The following NAALADL2 variants were observed in gnomAD, a reference collection of about 807,000 sequenced individuals.
NAALADL2 encodes inactive N-acetylated-alpha-linked acidic dipeptidase-like protein 2.
In NAALADL2, 76 loss-of-function variants were observed where a neutral mutation model predicts 87.2. The ratio of observed to expected loss-of-function variants is 0.87; its 90% CI spans 0.72 to 1.05. The LOEUF (loss-of-function observed/expected upper bound fraction) is 1.05, where lower values mean the gene tolerates loss of function less well. Ranked by LOEUF, NAALADL2 falls within the 50% of genes least tolerant of loss-of-function variation. The probability of loss-of-function intolerance (pLI) is 0.00; values close to 1 mark genes in which losing one functional copy is unlikely to be tolerated. For missense variants in NAALADL2, 1,089 were observed against 945.8 expected, an observed-to-expected ratio of 1.15 and a Z score of -1.99; for synonymous variants, 354 against 331.0, an observed-to-expected ratio of 1.07 and a Z score of -0.75.
At chr3:175,592,916 A>C (rs541574162) in intron 10 of NAALADL2, among the ~76,000 whole-genome samples, 2 of 152,212 alleles carry the variant, frequency 1.3e-5, no homozygotes, top group East Asian at 3.9e-4. Context: ...AAAGAAAAAA[A>C]AGCTGTTTTG....
At chr3:175,790,860 A>C (rs1264058324) in intron 13 of NAALADL2, among the ~76,000 whole-genome samples, 3 of 152,248 alleles carry the variant, frequency 2.0e-5, no homozygotes, top group African/African-American at 7.2e-5. Flanking sequence ...TGCTAATTAA[A>C]TCATGTAATT....
intron 5 of NAALADL2, among the ~76,000 whole-genome samples, chr3:175,366,128 G>A (rs1323711456): frequency 2.9e-5 from 4 of 136,700 alleles, no homozygotes; most frequent in South Asian, 2.5e-4. Flanking sequence ...TTGTCCTTGC[G>A]ATAGTTTACT....
chr3:174,906,454 T>C (rs1287319961), intron 1 of NAALADL2, among the ~76,000 whole-genome samples: 1 of 152,128 alleles, frequency 6.6e-6, no homozygotes, highest in Non-Finnish European at 1.5e-5. Flanking sequence ...ACTTTCATCA[T>C]GGGTGATCTC....
At chr3:175,125,339 G>A (rs1225363211) in intron 2 of NAALADL2, among the ~76,000 whole-genome samples, 1 of 151,880 alleles carries the variant, frequency 6.6e-6, no homozygotes, top group Non-Finnish European at 1.5e-5. Context: ...AGAATGTTAA[G>A]CAAAGGAGTG....
At chr3:174,645,175 A>G (rs1723651589) in intron 2 of NAALADL2, among the ~76,000 whole-genome samples, 1 of 152,216 alleles carries the variant, frequency 6.6e-6, no homozygotes, top group Admixed American at 6.5e-5. Context: ...GAAAGGTACC[A>G]GGGAAATCTG....
chr3:174,578,752 A>G (rs1355844813), intron 2 of NAALADL2, among the ~76,000 whole-genome samples: 1 of 151,914 alleles, frequency 6.6e-6, no homozygotes, highest in African/African-American at 2.4e-5. Flanking sequence ...AGTCATATAA[A>G]AACATAGGAG....
intron 1 of NAALADL2, among the ~76,000 whole-genome samples, chr3:175,032,946 A>T (rs1281566135): frequency 2.0e-5 from 3 of 151,922 alleles, no homozygotes; most frequent in African/African-American, 7.3e-5. Context: ...TGTCATGTTC[A>T]TTTGTTAATG....
intron 9 of NAALADL2, among the ~76,000 whole-genome samples, chr3:175,573,682 C>T (rs1718425438): frequency 6.6e-6 from 1 of 152,172 alleles, no homozygotes; most frequent in South Asian, 2.1e-4. Context: ...TTCTTTGGGA[C>T]TATTCAAGAC....
chr3:174,850,236 C>T (rs1014465748), intron 3 of NAALADL2, among the ~76,000 whole-genome samples: 4 of 152,012 alleles, frequency 2.6e-5, no homozygotes, highest in Admixed American at 2.0e-4. Flanking sequence ...TCTAGCCTAT[C>T]CTGTAAGATT....
chr3:174,590,078 T>C (rs1026726354), intron 2 of NAALADL2, among the ~76,000 whole-genome samples: 4 of 152,114 alleles, frequency 2.6e-5, no homozygotes, highest in African/African-American at 7.2e-5. Flanking sequence ...TGAGGCTTAT[T>C]TTCTAAAGTT....
At position 174,873,278 on chromosome 3, in the gene NAALADL2, G is replaced by A. The variant is rs750718665; in HGVS notation, c.43+13828G>A. ...ATTTATTTATTTATTTATTTTAGAC[G>A]GAGTCTCGCTCTGTCGCCCAGGCTG... On this transcript the variant is annotated intron_variant, in intron 1 of 13. Coordinates refer to ENST00000454872, the MANE Select transcript of NAALADL2 (RefSeq NM_207015.3). 5.5e-4 allele frequency among the ~76,000 whole-genome samples: 80 copies of A among 144,386 alleles called. No individual in the cohort carries two copies. The Middle Eastern group carries it at 0.018, about 32-fold the overall frequency. The allele number at this position is 144,386 out of a possible 152,430, so 94.7% of individuals were successfully genotyped here.
chr3:174,560,771 A>C (rs1660122718), intron 2 of NAALADL2, among the ~76,000 whole-genome samples: 1 of 152,054 alleles, frequency 6.6e-6, no homozygotes, highest in Non-Finnish European at 1.5e-5. Flanking sequence ...CTCATACTGA[A>C]GGTTATCTGG....
chr3:174,848,741 A>T (rs1724911884), intron 3 of NAALADL2, among the ~76,000 whole-genome samples: 1 of 152,166 alleles, frequency 6.6e-6, no homozygotes, highest in African/African-American at 2.4e-5. Flanking sequence ...AATAATGGGG[A>T]TACATTCTGA....
chr3:174,743,254 TC>T (rs1733929977), intron 3 of NAALADL2, among the ~76,000 whole-genome samples: 1 of 151,696 alleles, frequency 6.6e-6, no homozygotes, highest in Non-Finnish European at 1.5e-5. Context: ...CTCAACCGGG[TC>T]TTTTGTTTCT....
chr3:174,540,757 A>G (rs963659995), intron 1 of NAALADL2: 1 of 152,188 alleles, frequency 6.6e-6, no homozygotes, highest in African/African-American at 2.4e-5. Context: ...CTGGGACAAA[A>G]GCAGTTGATT....
At chr3:175,153,064 A>G (rs1731781207) in intron 2 of NAALADL2, among the ~76,000 whole-genome samples, 1 of 152,108 alleles carries the variant, frequency 6.6e-6, no homozygotes, top group African/African-American at 2.4e-5. Flanking sequence ...TTATATTTTC[A>G]TATTTCTTAT....
intron 1 of NAALADL2, among the ~76,000 whole-genome samples, chr3:175,087,670 G>T (rs896839582): frequency 2.0e-5 from 3 of 151,990 alleles, no homozygotes; most frequent in Admixed American, 1.3e-4. Context: ...GATTAAGGGC[G>T]GTGCAAGATG....
intron 1 of NAALADL2, among the ~76,000 whole-genome samples, chr3:174,963,388 T>C (rs562498507): frequency 3.9e-5 from 6 of 152,296 alleles, no homozygotes; most frequent in African/African-American, 1.2e-4. Flanking sequence ...GTGAATATTA[T>C]AGATTGTCTG....
In NAALADL2 at chr3:175,029,842, G is replaced by A. The variant is rs924353709; in HGVS notation, c.44-66948G>A. On this transcript the variant is annotated intron_variant, in intron 1 of 13. Transcript: ENST00000454872. ...GGTAATGGCTCAAAGGACATTATCT[G>A]TGTGTGAGTGTTCCAAAGATTTCTT... is the stretch of plus-strand genomic sequence containing the variant. Among the ~76,000 whole-genome samples the A allele has an allele frequency of 3.4e-4, 51 of 152,020 alleles. 1 individual carries two copies. The highest frequency in any genetic ancestry group is 5.9e-4 in the Admixed American group (9 of 15,224).
Sources: allele counts gnomAD v4.1 joint callset (sites outside exome capture counted in the v4.1 genomes callset), GRCh38; gene constraint gnomAD v4.1.1; transcripts MANE v1.5; gene names NCBI Gene and HGNC (gene_info 2026-07-23, HGNC 2026-07-21).